Variants in MAP4K4 observed in about 807,000 individuals in gnomAD.
MAP4K4 encodes the protein HPK/GCK-like kinase HGK.
A neutral mutation model predicts 189.6 loss-of-function variants in MAP4K4; 38 were observed. The ratio of observed to expected loss-of-function variants is 0.20; its 90% CI spans 0.15 to 0.26. The LOEUF (loss-of-function observed/expected upper bound fraction) is 0.26. Among genes scored for constraint, MAP4K4 ranks in the 10% least tolerant of loss-of-function variants. The probability of loss-of-function intolerance (pLI) is 1.00; values close to 1 mark genes in which losing one functional copy is unlikely to be tolerated. For synonymous variants in MAP4K4, 610 were observed against 624.3 expected, an observed-to-expected ratio of 0.98 and a Z score of 0.34; for missense variants, 1,054 against 1,726.9, an observed-to-expected ratio of 0.61 and a Z score of 6.91.
rs761434334 is a variant in MAP4K4, at chr2:101,866,593, C to A, written c.2356+14C>A. On this transcript the variant is annotated intron_variant, in intron 19 of 32. Transcript: ENST00000324219. ...TCAGAGTGAGATGTAAGCTGCCTTT[C>A]CTTTCCTTTTTCCCTGCTAATGTTT... The A allele has an allele frequency of 7.5e-6, 12 of 1,607,030 alleles. No individual in the cohort carries two copies. The highest frequency in any genetic ancestry group is 1.0e-5 in the Non-Finnish European group (12 of 1,174,458).
chr2:101,861,635 AG>A (rs1239055750), intron 16 of MAP4K4: 1 of 152,250 alleles, frequency 6.6e-6, no homozygotes, highest in African/African-American at 2.4e-5. Context: ...TGGCTAGGTG[AG>A]GGGAACTGTT....
chr2:101,802,056 A>C (rs1054227753), intron 3 of MAP4K4, among the ~76,000 whole-genome samples: 3 of 152,246 alleles, frequency 2.0e-5, no homozygotes, highest in Non-Finnish European at 4.4e-5. Flanking sequence ...GGGTGTGGAT[A>C]GATTGACTTC....
intron 3 of MAP4K4, among the ~76,000 whole-genome samples, chr2:101,793,568 GTTT>G (rs5832988): frequency 8.6e-5 from 11 of 127,500 alleles, no homozygotes; most frequent in Admixed American, 1.6e-4. Flanking sequence ...ACTCTTCATG[GTTT>G]TTTTTTTTTT....
intron 3 of MAP4K4, among the ~76,000 whole-genome samples, chr2:101,792,509 T>G (rs1234458905): frequency 1.3e-5 from 2 of 152,108 alleles, no homozygotes; most frequent in African/African-American, 4.8e-5. Context: ...GTGTGCAATA[T>G]GTGATCACTG....
At chr2:101,871,769 A>T in intron 24 of MAP4K4, 84 bp downstream of exon 24, 1 of 1,266,488 alleles carries the variant, frequency 7.9e-7, no homozygotes, top group Admixed American at 2.2e-5. Context: ...GACCTTTCCA[A>T]CACCCTCACC....
chr2:101,717,582 C>T (rs146930616), intron 2 of MAP4K4, among the ~76,000 whole-genome samples: 12 of 152,260 alleles, frequency 7.9e-5, no homozygotes, highest in South Asian at 2.1e-4. Context: ...TTAGAGGAAA[C>T]GGCCTGAACT....
In MAP4K4 at chr2:101,742,374, G is replaced by C. The variant is rs138355087; in HGVS notation, c.123+43836G>C. Among the ~76,000 whole-genome samples the C allele has an allele frequency of 1.8e-3, 268 of 152,244 alleles. 4 individuals carry two copies. The East Asian group carries it at 0.039, about 22-fold the overall frequency. ...TCTTCAGTGGCCTCTTAGGACTGGC[G>C]CTGTTTTCCTTAAGCCTTTAGAATA... On this transcript the variant is annotated intron_variant, in intron 2 of 32. Coordinates refer to ENST00000324219, the Ensembl canonical transcript of MAP4K4.
At chr2:101,819,462 A>G (rs1187676304) in intron 3 of MAP4K4, among the ~76,000 whole-genome samples, 4 of 152,244 alleles carry the variant, frequency 2.6e-5, no homozygotes, top group African/African-American at 9.6e-5. Context: ...TGGACAGTAA[A>G]TGACAATTAG....
chr2:101,805,262 C>G (rs2149050902), intron 3 of MAP4K4, among the ~76,000 whole-genome samples: 1 of 152,154 alleles, frequency 6.6e-6, no homozygotes, highest in South Asian at 2.1e-4. Flanking sequence ...TGATATGCCT[C>G]TTGCAGTCAC....
intron 3 of MAP4K4, among the ~76,000 whole-genome samples, chr2:101,797,889 G>GTGTTTTT (rs1553478618): frequency 0.17 from 8,636 of 52,302 alleles, 2,237 homozygotes; most frequent in Non-Finnish European, 0.17. Context: ...CATTCTTTTA[G>GTGTTTTT]TTTTTTTTTT....
intron 2 of MAP4K4, among the ~76,000 whole-genome samples, chr2:101,772,995 A>G (rs984394499): frequency 1.8e-4 from 27 of 152,160 alleles, no homozygotes; most frequent in African/African-American, 6.5e-4. Flanking sequence ...GTTTTCAGAA[A>G]GTGGAGTACA....
chr2:101,812,528 C>A (rs2095492446), intron 3 of MAP4K4, among the ~76,000 whole-genome samples: 1 of 152,108 alleles, frequency 6.6e-6, no homozygotes. Flanking sequence ...AGTTAATGAA[C>A]TGTTTTAAGA....
intron 3 of MAP4K4, among the ~76,000 whole-genome samples, chr2:101,794,242 G>A (rs1003495540): frequency 3.3e-5 from 5 of 152,040 alleles, no homozygotes; most frequent in Non-Finnish European, 7.4e-5. Context: ...GTATAGGGAG[G>A]TCTCATGTAC....
intron 13 of MAP4K4, among the ~76,000 whole-genome samples, chr2:101,856,709 T>C (rs1195447274): frequency 6.6e-6 from 1 of 152,182 alleles, no homozygotes; most frequent in African/African-American, 2.4e-5. Flanking sequence ...TTTAGAATTA[T>C]TTTTTTGTTT....
intron 2 of MAP4K4, among the ~76,000 whole-genome samples, chr2:101,758,895 A>G (rs1200393579): frequency 6.6e-6 from 1 of 152,032 alleles, no homozygotes; most frequent in Non-Finnish European, 1.5e-5. Flanking sequence ...GCACTTTGGG[A>G]GGCTGAGGCA....
chr2:101,858,871 G>A (rs1430255059), intron 13 of MAP4K4, 125 bp from the exon 14 acceptor site: 1 of 653,398 alleles, frequency 1.5e-6, no homozygotes, highest in African/African-American at 1.8e-5. Flanking sequence ...TTTTCTTCAG[G>A]TATTTACCAC....
intron 2 of MAP4K4, among the ~76,000 whole-genome samples, chr2:101,713,262 A>C (rs901262804): frequency 6.6e-6 from 1 of 152,096 alleles, no homozygotes; most frequent in Non-Finnish European, 1.5e-5. Flanking sequence ...GTACTTTGCT[A>C]TGCCAGTGTT....
chr2:101,847,269 T>G (rs1272015821), intron 12 of MAP4K4, among the ~76,000 whole-genome samples: 2 of 152,242 alleles, frequency 1.3e-5, no homozygotes, highest in Admixed American at 1.3e-4. Flanking sequence ...TATATGTTAC[T>G]GGGTTTATGT....
chr2:101,751,235 G>A (rs1350575286), intron 2 of MAP4K4, among the ~76,000 whole-genome samples: 1 of 152,180 alleles, frequency 6.6e-6, no homozygotes, highest in Non-Finnish European at 1.5e-5. Context: ...TAACTAAAAG[G>A]AAAGGAGAAA....
Sources: allele counts gnomAD v4.1 joint callset (sites outside exome capture counted in the v4.1 genomes callset), GRCh38; gene constraint gnomAD v4.1.1; transcripts MANE v1.5; gene names NCBI Gene and HGNC (gene_info 2026-07-23, HGNC 2026-07-21).